The following RAB5C variants were observed in gnomAD, a reference collection of about 807,000 sequenced individuals.
RAB5C encodes the protein RAB5C, member RAS oncogene family.
In RAB5C, 4 loss-of-function variants were observed where a neutral mutation model predicts 25.2. The observed-to-expected ratio is 0.16, with a 90% CI of 0.08 to 0.36. The LOEUF (loss-of-function observed/expected upper bound fraction) is 0.36, where lower values mean the gene tolerates loss of function less well. RAB5C is among the 10% of genes least tolerant of loss of function. The pLI is 1.00. For missense variants in RAB5C, 199 were observed against 283.8 expected (o/e 0.70, Z 2.15); for synonymous variants, 100 against 106.4 (o/e 0.94, Z 0.37).
chr17:42,126,803 T>A lies in RAB5C; in HGVS notation c.487A>T (p.Thr163Ser), dbSNP rs1425637283. The A allele has an allele frequency of 6.2e-7, 1 of 1,613,480 alleles. No individual in the cohort carries two copies. ...ADDNSLLFME[T>S]SAKTAMNVNE... ...ACGTTCATTGCAGTCTTTGCTGATG[T>A]CTCCATGAACAGCAAACTGTTGTCG... Residue 163 changes from threonine to serine, a missense_variant, in exon 5 of 6, where the codon ACA becomes TCA. Thr to Ser is a moderately conservative substitution (Grantham distance 58). This residue lies in a region of RAB5C where 154 missense variants were observed against 199.6 expected (regional missense o/e 0.77). Transcript: ENST00000346213.
chr17:42,140,375 G>A (rs2054580143), intron 1 of RAB5C, among the ~76,000 whole-genome samples: 1 of 151,242 alleles, frequency 6.6e-6, no homozygotes, highest in Non-Finnish European at 1.5e-5. Flanking sequence ...CACACACACC[G>A]TGGTCAGCGG....
intron 1 of RAB5C, among the ~76,000 whole-genome samples, chr17:42,135,316 G>A (rs1057041329): frequency 6.7e-6 from 1 of 148,906 alleles, no homozygotes; most frequent in African/African-American, 2.5e-5. Context: ...CTAGAGCAGT[G>A]ATGCAATCAC....
chr17:42,153,237 G>A (rs879834081), intron 1 of RAB5C, among the ~76,000 whole-genome samples: 17 of 152,220 alleles, frequency 1.1e-4, no homozygotes, highest in South Asian at 4.1e-4. Flanking sequence ...CCAACATGGC[G>A]AAACCCCATC....
chr17:42,128,453 T>C, intron 3 of RAB5C, 70 bp from the exon 4 acceptor site: 2 of 1,530,370 alleles, frequency 1.3e-6, no homozygotes, highest in Admixed American at 4.1e-5. Context: ...CATTAGAGAC[T>C]CTCAAGCTGG....
rs2054431454 is a variant in RAB5C, at chr17:42,126,867, AGAG to A, written c.442-22_442-20del. 2 of 1,537,076 alleles carry A rather than the reference AGAG, an allele frequency of 1.3e-6. No individual in the cohort carries two copies. The highest frequency in any genetic ancestry group is 1.5e-5 in the African/African-American group (1 of 67,418). On this transcript the variant is annotated intron_variant, in intron 4 of 5. Transcript: ENST00000346213. ...GTGCTTCCTGGTTTGGATGGAGGTGAGAGGAGGTGAGAGGGAAATGTTGGCAGG... is the reference window on the plus strand; with the variant it reads ...GTGCTTCCTGGTTTGGATGGAGGTGAGAGGTGAGAGGGAAATGTTGGCAGG...
chr17:42,135,186 C>A (rs1052930437), intron 1 of RAB5C, among the ~76,000 whole-genome samples: 2 of 151,376 alleles, frequency 1.3e-5, no homozygotes, highest in African/African-American at 4.9e-5. Context: ...GGTTTTACCA[C>A]GCTGGCCAGG....
At chr17:42,131,555 T>C (rs1222597652) in intron 1 of RAB5C, 13 of 1,489,836 alleles carry the variant, frequency 8.7e-6, no homozygotes, top group South Asian at 1.2e-5. Flanking sequence ...ACCAAAGTCA[T>C]AGCTCTGCCA....
chr17:42,154,375 AAG>A (rs1193913693), intron 1 of RAB5C, among the ~76,000 whole-genome samples: 3 of 152,158 alleles, frequency 2.0e-5, no homozygotes, highest in African/African-American at 7.2e-5. Context: ...GGCTTGAGGA[AAG>A]AGAGGAAGTA....
chr17:42,128,393 C>T lies in RAB5C; in HGVS notation c.319-10G>A. ...CCCGTGCAAATGTATCCTGAGGAGA[C>T]AGGGACAGAATGTCGAAGGGACAGA... On this transcript the variant is annotated splice_polypyrimidine_tract_variant and intron_variant, in intron 3 of 5. Transcript: ENST00000346213. The T allele has an allele frequency of 6.2e-7, 1 of 1,609,992 alleles. No individual in the cohort carries two copies. Among genetic ancestry groups the T allele is most frequent in the South Asian group, 1.1e-5 (1 of 90,580 alleles).
intron 1 of RAB5C, among the ~76,000 whole-genome samples, chr17:42,141,582 C>CT (rs2144085808): frequency 6.6e-6 from 1 of 152,300 alleles, no homozygotes; most frequent in South Asian, 2.1e-4. Flanking sequence ...AGCTGAGGAG[C>CT]TGCCTCACTT....
intron 1 of RAB5C, chr17:42,131,562 G>A: frequency 1.3e-6 from 2 of 1,505,042 alleles, no homozygotes; most frequent in Non-Finnish European, 8.9e-7. Context: ...TCATAGCTCT[G>A]CCACAGTCAG....
intron 1 of RAB5C, among the ~76,000 whole-genome samples, chr17:42,145,402 T>C (rs2079629746): frequency 6.6e-6 from 1 of 152,102 alleles, no homozygotes; most frequent in Admixed American, 6.6e-5. Flanking sequence ...ATGGAAAGGC[T>C]TGTGGATTGT....
rs185186617 is a variant in RAB5C, at chr17:42,154,297, C to T, written c.-89+596G>A. On this transcript the variant is annotated intron_variant, in intron 1 of 5. Coordinates refer to ENST00000346213, the MANE Select transcript of RAB5C (RefSeq NM_004583.4). ...GGACAGGGCTGGGAGACAGAAGGGG[C>T]AAAACAGGAAAACAGCTCATTTCTA... 7.2e-5 allele frequency among the ~76,000 whole-genome samples: 11 copies of T among 152,218 alleles called. No homozygotes were observed. In the East Asian group the frequency reaches 1.9e-3, roughly 27 times the overall value.
chr17:42,135,105 A>G (rs563064160), intron 1 of RAB5C, among the ~76,000 whole-genome samples: 63 of 150,934 alleles, frequency 4.2e-4, no homozygotes, highest in Non-Finnish European at 7.4e-4. Flanking sequence ...CTCAGCTTCT[A>G]GGAGTAGCTG....
chr17:42,145,181 C>A (rs1351835394), intron 1 of RAB5C, among the ~76,000 whole-genome samples: 4 of 151,528 alleles, frequency 2.6e-5, no homozygotes, highest in Non-Finnish European at 5.9e-5. Flanking sequence ...TCAAAAAAAA[C>A]AGAAAAAGAA....
intron 5 of RAB5C, 43 bp from the exon 6 acceptor site, chr17:42,125,941 A>G (rs1172503155): frequency 2.8e-6 from 4 of 1,452,324 alleles, no homozygotes; most frequent in Non-Finnish European, 3.8e-6. Context: ...GGGTACCCCA[A>G]TAACTCTCCC....
At chr17:42,150,711 C>CA (rs894081087) in intron 1 of RAB5C, among the ~76,000 whole-genome samples, 127 of 137,026 alleles carry the variant, frequency 9.3e-4, no homozygotes, top group African/African-American at 2.2e-3. Context: ...ACAAAAATAC[C>CA]AAAAAAAAAA....
intron 5 of RAB5C, 38 bp from the exon 6 acceptor site, chr17:42,125,936 C>A (rs1433204779): frequency 6.8e-7 from 1 of 1,465,496 alleles, no homozygotes; most frequent in Non-Finnish European, 9.4e-7. Context: ...GTTGGGGGTA[C>A]CCCAATAACT....
intron 1 of RAB5C, among the ~76,000 whole-genome samples, chr17:42,146,155 C>T (rs551789240): frequency 2.9e-4 from 44 of 152,092 alleles, no homozygotes; most frequent in African/African-American, 1.0e-3. Flanking sequence ...CTGTCAAGGT[C>T]ATCAAAAACA....
Sources: allele counts gnomAD v4.1 joint callset (sites outside exome capture counted in the v4.1 genomes callset), GRCh38; gene constraint gnomAD v4.1.1; regional missense constraint gnomAD v4.1.1; transcripts MANE v1.5; gene names NCBI Gene and HGNC (gene_info 2026-07-23, HGNC 2026-07-21).